Variants in TECPR2 observed in about 807,000 individuals in gnomAD.
TECPR2 encodes the protein tectonin beta-propeller repeat-containing protein 2.
TECPR2 carries 65 observed loss-of-function variants against 138.1 expected under a neutral mutation model. The ratio of observed to expected loss-of-function variants is 0.47; its 90% CI spans 0.39 to 0.58. The LOEUF (loss-of-function observed/expected upper bound fraction) is 0.58. TECPR2 is among the 20% of genes least tolerant of loss of function. The pLI is 0.00. For synonymous variants in TECPR2, 746 were observed against 749.8 expected, an observed-to-expected ratio of 0.99 and a Z score of 0.08; for missense variants, 1,553 against 1,824.5, an observed-to-expected ratio of 0.85 and a Z score of 2.71.
chr14:102,383,894 A>T (rs1252008180), intron 2 of TECPR2, among the ~76,000 whole-genome samples: 1 of 151,908 alleles, frequency 6.6e-6, no homozygotes, highest in African/African-American at 2.4e-5. Flanking sequence ...GTTTTCCTTT[A>T]ACAGAATACC....
In TECPR2 at chr14:102,376,804, A is replaced by G. The variant is rs1216363394; in HGVS notation, c.83A>G (p.Gln28Arg). 6.2e-7 allele frequency: 1 copy of G among 1,614,218 alleles called. No individual in the cohort carries two copies. The highest frequency in any genetic ancestry group is 1.1e-5 in the South Asian group (1 of 91,086). ...CTCAATGCCATTCCGACAAAGATCC[A>G]GAAGGGTTTCCGCTCTATCGTGGTC... is the stretch of plus-strand genomic sequence containing the variant. ...YLLNAIPTKI[Q>R]KGFRSIVVYL... is the part of the protein sequence containing the mutation. The change falls in exon 2 of 20, where the codon CAG becomes CGG. Residue 28 changes from glutamine (Q) to arginine (R), a missense_variant. Physicochemically the swap from Gln to Arg is conservative, Grantham distance 43. Transcript: ENST00000359520.
intron 2 of TECPR2, among the ~76,000 whole-genome samples, chr14:102,389,986 T>G (rs1555448352): frequency 6.6e-6 from 1 of 152,244 alleles, no homozygotes; most frequent in Non-Finnish European, 1.5e-5. Context: ...GAAAATAGTG[T>G]AACCATTCTT....
chr14:102,467,742 T>C lies in TECPR2; in HGVS notation c.3789+2453T>C, dbSNP rs78013702. ...AAGTGGTATCTCATTGTGGGTTTGATTTGCATTGACCTAACAACTAATGAT... is the reference window on the plus strand; with the variant it reads ...AAGTGGTATCTCATTGTGGGTTTGACTTGCATTGACCTAACAACTAATGAT... On this transcript the variant is annotated intron_variant, in intron 17 of 19. Coordinates refer to ENST00000359520, the MANE Select transcript of TECPR2 (RefSeq NM_014844.5). 6.6e-3 allele frequency among the ~76,000 whole-genome samples: 1,006 copies of C among 152,324 alleles called. 18 individuals are homozygous for C. The highest frequency in any genetic ancestry group is 0.023 in the African/African-American group (969 of 41,570).
At chr14:102,467,418 G>A (rs1035594245) in intron 17 of TECPR2, among the ~76,000 whole-genome samples, 9 of 147,044 alleles carry the variant, frequency 6.1e-5, no homozygotes, top group East Asian at 4.0e-4. Context: ...TCCGCCTACC[G>A]GGTTCAAGCA....
At chr14:102,498,045 G>T in intron 19 of TECPR2, 58 bp from the exon 20 acceptor site, 1 of 1,581,430 alleles carries the variant, frequency 6.3e-7, no homozygotes, top group Non-Finnish European at 8.6e-7. Context: ...AGCTCCATCT[G>T]TGCCCACCCC....
chr14:102,376,838 G>C lies in TECPR2; in HGVS notation c.117G>C (p.Thr39=), dbSNP rs149793306. ...TCCGCTCTATCGTGGTCTATCTCACGGCCCTCGACACCAACGGGGACTACA... is the reference window on the plus strand; with the variant it reads ...TCCGCTCTATCGTGGTCTATCTCACCGCCCTCGACACCAACGGGGACTACA... ...KGFRSIVVYL[T]ALDTNGDYIA... Residue 39 remains threonine (T), a synonymous_variant, in exon 2 of 20, where the codon ACG becomes ACC. Transcript: ENST00000359520. The C allele has an allele frequency of 1.2e-6, 2 of 1,614,096 alleles. No individual in the cohort carries two copies. The highest frequency in any genetic ancestry group is 1.1e-5 in the South Asian group (1 of 91,082).
At chr14:102,434,129 C>T (rs1889588551) in intron 8 of TECPR2, 106 bp from the exon 9 acceptor site, 2 of 1,073,704 alleles carry the variant, frequency 1.9e-6, no homozygotes, top group Non-Finnish European at 2.4e-6. Flanking sequence ...ACCAAATATC[C>T]TTTATTTAAA....
chr14:102,471,132 A>C (rs1385367575), intron 17 of TECPR2, among the ~76,000 whole-genome samples: 1 of 151,212 alleles, frequency 6.6e-6, no homozygotes, highest in South Asian at 2.1e-4. Context: ...TTATATTTTT[A>C]GTAGAGATAG....
At chr14:102,398,523 C>T (rs1402885250) in intron 2 of TECPR2, among the ~76,000 whole-genome samples, 1 of 152,072 alleles carries the variant, frequency 6.6e-6, no homozygotes, top group Non-Finnish European at 1.5e-5. Context: ...CTCAAGGACA[C>T]CCACACCAAG....
In TECPR2 at chr14:102,465,156, C is replaced by T. The variant is rs1476050950; in HGVS notation, c.3656C>T (p.Thr1219Ile). Residue 1219 changes from threonine (T) to isoleucine (I), a missense_variant, in exon 17 of 20, where the codon ACA becomes ATA. Thr to Ile is a moderately conservative substitution (Grantham distance 89). Coordinates refer to ENST00000359520, the MANE Select transcript of TECPR2 (RefSeq NM_014844.5). ...DLSQLGAVKL[T>I]SLACGNQHIW... ...TTATCTACAGGAGCTGTAAAATTGA[C>T]AAGCTTGGCATGTGGAAATCAGCAC... The T allele has an allele frequency of 1.9e-6, 3 of 1,614,160 alleles. No homozygotes were observed. In the East Asian group the frequency reaches 6.7e-5, roughly 36 times the overall value.
At chr14:102,463,315 G>A (rs1447992961) in intron 16 of TECPR2, among the ~76,000 whole-genome samples, 1 of 151,372 alleles carries the variant, frequency 6.6e-6, no homozygotes, top group African/African-American at 2.4e-5. Context: ...TACTTGGGAG[G>A]CTGAGGCAGG....
chr14:102,474,690 G>A (rs1890719966), intron 17 of TECPR2, among the ~76,000 whole-genome samples: 1 of 152,092 alleles, frequency 6.6e-6, no homozygotes, highest in Non-Finnish European at 1.5e-5. Context: ...TCCCATAATG[G>A]GTAGGAAAAC....
In TECPR2 at chr14:102,501,877, A is replaced by C. The variant is rs1891443679; in HGVS notation, c.*3620A>C. 6.6e-6 allele frequency: 1 copy of C among 152,262 alleles called. No homozygotes were observed. The highest frequency in any genetic ancestry group is 1.5e-5 in the Non-Finnish European group (1 of 68,060). 9.4% of individuals were successfully genotyped at this position (152,262 alleles called of 1,614,324 possible). A position where few individuals can be genotyped will look rare whatever the true frequency, so the allele number is the denominator to read the frequency against. Reference sequence around the variant, plus strand: ...TGGCCCAAACCCCCAGCACCCCGGAAGCAGAGGTGAGATGGGAGCAGCTTG... The same window carrying C: ...TGGCCCAAACCCCCAGCACCCCGGACGCAGAGGTGAGATGGGAGCAGCTTG... On this transcript the variant is annotated 3_prime_UTR_variant, in exon 20 of 20. Coordinates refer to ENST00000359520, the MANE Select transcript of TECPR2 (RefSeq NM_014844.5).
intron 2 of TECPR2, among the ~76,000 whole-genome samples, chr14:102,398,033 A>G (rs1158690932): frequency 2.0e-5 from 3 of 149,736 alleles, no homozygotes; most frequent in Admixed American, 1.3e-4. Flanking sequence ...AGATCGTGCC[A>G]CTGCACTCCA....
At chr14:102,426,010 A>G (rs1272817345) in intron 6 of TECPR2, among the ~76,000 whole-genome samples, 3 of 142,554 alleles carry the variant, frequency 2.1e-5, no homozygotes, top group Non-Finnish European at 3.0e-5. Flanking sequence ...TCAGCCTCCC[A>G]AGTAGCTGGG....
chr14:102,378,112 C>G (rs1887690136), intron 2 of TECPR2, among the ~76,000 whole-genome samples: 2 of 152,190 alleles, frequency 1.3e-5, no homozygotes, highest in South Asian at 4.1e-4. Context: ...TTGAGTACGT[C>G]ACTTTTGTGA....
At chr14:102,390,508 T>G (rs147699177) in intron 2 of TECPR2, among the ~76,000 whole-genome samples, 3 of 152,138 alleles carry the variant, frequency 2.0e-5, no homozygotes, top group African/African-American at 7.2e-5. Flanking sequence ...GAATTGTCCC[T>G]AGATCAAAAA....
At chr14:102,464,031 G>A (rs1890485624) in intron 16 of TECPR2, among the ~76,000 whole-genome samples, 1 of 152,248 alleles carries the variant, frequency 6.6e-6, no homozygotes, top group East Asian at 1.9e-4. Flanking sequence ...CTGATGCAGA[G>A]GACCCAGGCT....
intron 13 of TECPR2, among the ~76,000 whole-genome samples, chr14:102,448,292 T>C (rs1031527578): frequency 3.3e-5 from 5 of 152,200 alleles, no homozygotes; most frequent in Admixed American, 1.3e-4. Flanking sequence ...TGATGTTTTA[T>C]GTAATCAAAC....
Sources: allele counts gnomAD v4.1 joint callset (sites outside exome capture counted in the v4.1 genomes callset), GRCh38; gene constraint gnomAD v4.1.1; transcripts MANE v1.5; gene names NCBI Gene and HGNC (gene_info 2026-07-23, HGNC 2026-07-21).